The following TPD52L2 variants were observed in gnomAD, a reference collection of about 807,000 sequenced individuals.
TPD52L2 encodes tumor protein D54.
Under a neutral mutation model 24.7 loss-of-function variants are expected in TPD52L2, and 19 were observed. The observed-to-expected ratio is 0.77, with a 90% CI of 0.54 to 1.13. The LOEUF is 1.13. Among genes scored for constraint, TPD52L2 ranks in the 50% most tolerant of loss-of-function variants. TPD52L2 has a pLI of 0.00. For missense variants in TPD52L2, 236 were observed against 250.4 expected, an observed-to-expected ratio of 0.94 and a Z score of 0.39; for synonymous variants, 104 against 100.2, an observed-to-expected ratio of 1.04 and a Z score of -0.23.
In TPD52L2 at chr20:63,880,665, C is replaced by T. The variant is rs373160568; in HGVS notation, c.375-2054C>T. ...CAACACTTTTGGAGGCTGAGGCAGGCGGATCACGAGGTCAGGAGATCGAGA... is the reference window on the plus strand; with the variant it reads ...CAACACTTTTGGAGGCTGAGGCAGGTGGATCACGAGGTCAGGAGATCGAGA... On this transcript the variant is annotated intron_variant, in intron 4 of 6. Coordinates refer to ENST00000346249, the MANE Select transcript of TPD52L2 (RefSeq NM_003288.4). 4.3e-4 allele frequency among the ~76,000 whole-genome samples: 65 copies of T among 151,336 alleles called. 1 individual carries two copies. The East Asian group carries it at 0.011, about 25-fold the overall frequency.
intron 3 of TPD52L2, among the ~76,000 whole-genome samples, chr20:63,875,036 G>C (rs1173913206): frequency 6.6e-6 from 1 of 151,884 alleles, no homozygotes; most frequent in Non-Finnish European, 1.5e-5. Flanking sequence ...CGGCTACTAG[G>C]GAGGCTGAGG....
intron 6 of TPD52L2, 38 bp from the exon 7 acceptor site, chr20:63,889,812 T>C: frequency 1.9e-6 from 3 of 1,596,126 alleles, no homozygotes; most frequent in Non-Finnish European, 2.6e-6. Context: ...GTGTGCTCTG[T>C]CTCAGGTTTT....
Position 63,886,547 on chromosome 20 carries a change from G to A in TPD52L2, c.477-2643G>A, listed in dbSNP as rs569851076. On this transcript the variant is annotated intron_variant, in intron 5 of 6. Transcript: ENST00000346249. ...CGGCTAATTTTTTGTATTTTTAGTA[G>A]AGACGGGGTTTCACCGTGGTCTCGA... Among the ~76,000 whole-genome samples the A allele has an allele frequency of 4.6e-5, 7 of 152,114 alleles. No individual in the cohort carries two copies. In the East Asian group the frequency reaches 9.7e-4, roughly 21 times the overall value.
chr20:63,867,278 C>T (rs1000686825), intron 1 of TPD52L2, among the ~76,000 whole-genome samples: 2 of 152,220 alleles, frequency 1.3e-5, no homozygotes, highest in Non-Finnish European at 2.9e-5. Context: ...TTAAATAGAA[C>T]AGAAAGGCTG....
chr20:63,871,474 C>G (rs1413439784), intron 2 of TPD52L2, among the ~76,000 whole-genome samples: 2 of 151,898 alleles, frequency 1.3e-5, no homozygotes, highest in African/African-American at 2.4e-5. Context: ...CTCAGCCTCC[C>G]GAGTAGCTGG....
chr20:63,889,084 T>G lies in TPD52L2; in HGVS notation c.477-106T>G, dbSNP rs188863565. ...TTTGCCATGAGATCTTGGGATGTTGTTAGGGACCCTTTGGAGGCTGGCCCT... is the reference window on the plus strand; with the variant it reads ...TTTGCCATGAGATCTTGGGATGTTGGTAGGGACCCTTTGGAGGCTGGCCCT... On this transcript the variant is annotated intron_variant, in intron 5 of 6. Transcript: ENST00000346249. 272 of 931,576 alleles carry G rather than the reference T, an allele frequency of 2.9e-4. 1 individual carries two copies. Among genetic ancestry groups the G allele is most frequent in the African/African-American group, 2.2e-3 (134 of 61,252 alleles). 57.7% of individuals were successfully genotyped at this position (931,576 alleles called of 1,614,324 possible).
At chr20:63,867,731 C>T (rs948845251) in intron 1 of TPD52L2, among the ~76,000 whole-genome samples, 10 of 151,428 alleles carry the variant, frequency 6.6e-5, no homozygotes, top group African/African-American at 1.5e-4. Context: ...TGCATTTAAT[C>T]TGGTGTCTTT....
chr20:63,877,147 T>A lies in TPD52L2; in HGVS notation c.374+1272T>A, dbSNP rs1448115676. On this transcript the variant is annotated intron_variant, in intron 4 of 6. Coordinates refer to ENST00000346249, the MANE Select transcript of TPD52L2 (RefSeq NM_003288.4). This position sits in a 1 kb window ranked among gnomAD's most constrained non-coding sequence, Gnocchi z 4.1. ...TTCACACCATTCTCCTGCCTCAGCC[T>A]CCCCAGTAGCTGGGACTACAGGCGC... 2.8e-6 allele frequency: 1 copy of A among 358,888 alleles called. No individual in the cohort carries two copies. The allele number at this position is 358,888 out of a possible 1,614,324, so 22.2% of individuals were successfully genotyped here. A position where few individuals can be genotyped will look rare whatever the true frequency, so the allele number is the denominator to read the frequency against.
intron 5 of TPD52L2, among the ~76,000 whole-genome samples, chr20:63,883,336 G>T (rs376919325): frequency 2.0e-5 from 3 of 152,318 alleles, no homozygotes; most frequent in East Asian, 3.9e-4. Flanking sequence ...AGCAAGCAGG[G>T]CTGGGGCCAA....
At chr20:63,868,093 A>G (rs1031782032) in intron 1 of TPD52L2, among the ~76,000 whole-genome samples, 1 of 152,002 alleles carries the variant, frequency 6.6e-6, no homozygotes, top group East Asian at 1.9e-4. Flanking sequence ...TTGTATTTTT[A>G]GTAGAGACGG....
chr20:63,872,042 C>CTTT lies in TPD52L2; in HGVS notation c.166-1607_166-1605dup, dbSNP rs34989051. Among the ~76,000 whole-genome samples, 471 of 106,910 alleles carry CTTT rather than the reference C, an allele frequency of 4.4e-3. 1 individual carries two copies. Among genetic ancestry groups the CTTT allele is most frequent in the African/African-American group, 0.015 (433 of 28,370 alleles). 70.1% of individuals were successfully genotyped at this position (106,910 alleles called of 152,430 possible). Reference sequence around the variant, plus strand: ...TGATGCCCCTTTCAGAGGTCATGTTCTTTTTTTTTTTTTTTTTTTTTAAAG... The same window carrying CTTT: ...TGATGCCCCTTTCAGAGGTCATGTTCTTTTTTTTTTTTTTTTTTTTTTTTAAAG... On this transcript the variant is annotated intron_variant, in intron 2 of 6. Transcript: ENST00000346249.
chr20:63,876,481 A>G (rs983511090), intron 4 of TPD52L2, among the ~76,000 whole-genome samples: 1 of 152,120 alleles, frequency 6.6e-6, no homozygotes, highest in African/African-American at 2.4e-5. Flanking sequence ...GTGACTCCTA[A>G]TATTTGGAGA....
In TPD52L2 at chr20:63,890,077, A is replaced by C. The variant is rs1294615624; in HGVS notation, c.*132A>C. 3.3e-6 allele frequency: 5 copies of C among 1,515,714 alleles called. No homozygotes were observed. The Admixed American group carries it at 6.2e-5, about 19-fold the overall frequency. 93.9% of individuals were successfully genotyped at this position (1,515,714 alleles called of 1,614,324 possible). On this transcript the variant is annotated 3_prime_UTR_variant, in exon 7 of 7. Coordinates refer to ENST00000346249, the MANE Select transcript of TPD52L2 (RefSeq NM_003288.4). ...GCCCTGAGGACAGTCCTGCCCATCC[A>C]CGCGGAGATGTGGCTGCCGCGTTTG...
At chr20:63,870,404 AAAG>A (rs779814718) in intron 2 of TPD52L2, among the ~76,000 whole-genome samples, 7 of 152,168 alleles carry the variant, frequency 4.6e-5, no homozygotes, top group Admixed American at 4.6e-4. Context: ...CTAGAAGATT[AAAG>A]GAGAGTAGCA....
At chr20:63,874,752 C>G (rs1020271845) in intron 3 of TPD52L2, among the ~76,000 whole-genome samples, 2 of 152,040 alleles carry the variant, frequency 1.3e-5, no homozygotes, top group Admixed American at 6.6e-5. Context: ...TTTCAGGGTC[C>G]AGACTTGAGA....
intron 5 of TPD52L2, among the ~76,000 whole-genome samples, chr20:63,886,423 C>G (rs375303805): frequency 1.6e-4 from 25 of 151,594 alleles, no homozygotes; most frequent in South Asian, 4.2e-4. Context: ...TGCCGTGGCG[C>G]GATCTCGGCT....
At chr20:63,881,817 T>G (rs910529319) in intron 4 of TPD52L2, among the ~76,000 whole-genome samples, 6 of 152,224 alleles carry the variant, frequency 3.9e-5, no homozygotes, top group African/African-American at 1.4e-4. Context: ...TGTCAGAGTC[T>G]GCTGTGTTTT....
At chr20:63,889,165 G>A (rs754230529) in intron 5 of TPD52L2, 25 bp from the exon 6 acceptor site, 53 of 1,611,336 alleles carry the variant, frequency 3.3e-5, no homozygotes, top group Middle Eastern at 1.7e-4. Context: ...TCTTGACACC[G>A]ACACTCTTCC....
At position 63,885,561 on chromosome 20, in the gene TPD52L2, G is replaced by T. The variant is rs145287558; in HGVS notation, c.476+2741G>T. On this transcript the variant is annotated intron_variant, in intron 5 of 6. Transcript: ENST00000346249. The stretch of plus-strand genomic sequence containing the variant: ...CCACGGTGCGTGTGCTCCCTCAGCT[G>T]ACGTGATTTGGGGAACACGGGCCGC... 1.7e-4 allele frequency among the ~76,000 whole-genome samples: 26 copies of T among 152,352 alleles called. No individual in the cohort carries two copies. The East Asian group carries it at 5.0e-3, about 29-fold the overall frequency.
Sources: allele counts gnomAD v4.1 joint callset (sites outside exome capture counted in the v4.1 genomes callset), GRCh38; gene constraint gnomAD v4.1.1; non-coding constraint Gnocchi (gnomAD v3.1); transcripts MANE v1.5; gene names NCBI Gene and HGNC (gene_info 2026-07-23, HGNC 2026-07-21).